The following PRKCQ variants were observed in gnomAD, a reference collection of about 807,000 sequenced individuals.
The protein encoded by PRKCQ is protein kinase C theta, also known as protein kinase C theta type.
In PRKCQ, 41 loss-of-function variants were observed where a neutral mutation model predicts 91.2. The observed-to-expected ratio is 0.45, with a 90% CI of 0.35 to 0.58. The LOEUF (loss-of-function observed/expected upper bound fraction) is 0.58. Among genes scored for constraint, PRKCQ ranks in the 20% least tolerant of loss-of-function variants. The pLI, the probability that PRKCQ is intolerant of heterozygous loss-of-function variation, is 0.00. For synonymous variants in PRKCQ, 307 were observed against 316.9 expected, an observed-to-expected ratio of 0.97 and a Z score of 0.33; for missense variants, 673 against 896.5, an observed-to-expected ratio of 0.75 and a Z score of 3.18.
chr10:6,402,318 C>T, the PRKCQ span, among the ~76,000 whole-genome samples: 1,229 of 144,194 alleles, frequency 8.5e-3, 23 homozygotes, highest in African/African-American at 0.03. Context: ...CACATCTACC[C>T]CAGAACTTAA....
chr10:6,429,014 G>A (rs1235392510), intron 17 of PRKCQ, among the ~76,000 whole-genome samples: 1 of 152,184 alleles, frequency 6.6e-6, no homozygotes, highest in Non-Finnish European at 1.5e-5. Flanking sequence ...CATACATGCT[G>A]TTCAGTATGG....
intron 1 of PRKCQ, among the ~76,000 whole-genome samples, chr10:6,552,483 C>A (rs1052665125): frequency 8.0e-6 from 1 of 125,672 alleles, no homozygotes; most frequent in Non-Finnish European, 1.7e-5. Flanking sequence ...TTTTGTCTTT[C>A]TAGACAGAGT....
At chr10:6,558,354 G>A (rs933782443) in intron 1 of PRKCQ, among the ~76,000 whole-genome samples, 4 of 152,164 alleles carry the variant, frequency 2.6e-5, no homozygotes, top group Non-Finnish European at 4.4e-5. Context: ...TACTAAAGAT[G>A]TAAACAGACA....
chr10:6,506,892 T>G (rs539413489), intron 4 of PRKCQ, among the ~76,000 whole-genome samples: 1 of 152,344 alleles, frequency 6.6e-6, no homozygotes, highest in Admixed American at 6.5e-5. Context: ...GAAATTTCAC[T>G]TCTGTGGCCA....
chr10:6,451,197 A>T (rs1834654685), intron 15 of PRKCQ, among the ~76,000 whole-genome samples: 2 of 149,458 alleles, frequency 1.3e-5, no homozygotes, highest in South Asian at 4.5e-4. Context: ...AATAAAGAAA[A>T]AAAGAGAGAA....
chr10:6,521,921 T>TTTATTTAA (rs776048874), intron 1 of PRKCQ, among the ~76,000 whole-genome samples: 1 of 95,986 alleles, frequency 1.0e-5, no homozygotes, highest in Non-Finnish European at 2.3e-5. Context: ...TGTTATGTTA[T>TTTATTTAA]GTTATTTATT....
At chr10:6,551,347 T>G in intron 1 of PRKCQ, among the ~76,000 whole-genome samples, 1 of 152,168 alleles carries the variant, frequency 6.6e-6, no homozygotes, top group South Asian at 2.1e-4. Flanking sequence ...TGCATTTTTG[T>G]GTCTGCATAG....
intron 1 of PRKCQ, among the ~76,000 whole-genome samples, chr10:6,516,902 T>C (rs920011143): frequency 1.3e-5 from 2 of 152,154 alleles, no homozygotes; most frequent in African/African-American, 4.8e-5. Context: ...GGCAAAACCC[T>C]CTGTCCCCCT....
At chr10:6,528,154 T>C (rs1564375438) in intron 1 of PRKCQ, among the ~76,000 whole-genome samples, 2 of 152,060 alleles carry the variant, frequency 1.3e-5, no homozygotes. Context: ...CCTAAAACCC[T>C]CTTTGGAAAG....
At chr10:6,424,588 C>T (rs1031782232), downstream of PRKCQ, among the ~76,000 whole-genome samples, 2 of 152,182 alleles carry the variant, frequency 1.3e-5, no homozygotes, top group African/African-American at 2.4e-5. Flanking sequence ...GTGTTTAAGG[C>T]TGATGCTTCC....
At chr10:6,406,418 T>C in the PRKCQ span, among the ~76,000 whole-genome samples, 1 of 152,102 alleles carries the variant, frequency 6.6e-6, no homozygotes, top group African/African-American at 2.4e-5. Flanking sequence ...TGTAAAATAA[T>C]GTTTGCTGAA....
intron 1 of PRKCQ, among the ~76,000 whole-genome samples, chr10:6,534,785 T>TATATAG (rs1554780285): frequency 3.4e-5 from 5 of 145,736 alleles, no homozygotes; most frequent in Non-Finnish European, 7.5e-5. Flanking sequence ...TATATATATA[T>TATATAG]ATATATAGAT....
chr10:6,427,849 C>A lies in PRKCQ; in HGVS notation c.*358G>T. On this transcript the variant is annotated 3_prime_UTR_variant, in exon 18 of 18. Transcript: ENST00000263125. ...CTCCGTTTGCCCCTGATTCAACAAG[C>A]ATTTCATTGATCAGCAGTTGGCGCC... 3.9e-6 allele frequency: 1 copy of A among 257,550 alleles called. No individual in the cohort carries two copies. Among genetic ancestry groups the A allele is most frequent in the Non-Finnish European group, 7.6e-6 (1 of 131,258 alleles). 16.0% of individuals were successfully genotyped at this position (257,550 alleles called of 1,614,324 possible).
intron 8 of PRKCQ, among the ~76,000 whole-genome samples, chr10:6,486,821 C>G (rs551862003): frequency 1.4e-4 from 22 of 152,292 alleles, no homozygotes; most frequent in Middle Eastern, 6.8e-3. Flanking sequence ...CTTCCCCCAG[C>G]CTTTAGGTTG....
intron 1 of PRKCQ, among the ~76,000 whole-genome samples, chr10:6,518,703 C>T (rs1838875048): frequency 6.6e-6 from 1 of 152,080 alleles, no homozygotes; most frequent in Admixed American, 6.6e-5. Context: ...CACCTGTAAT[C>T]CCAGCGACTC....
intron 1 of PRKCQ, 87 bp from the exon 2 acceptor site, chr10:6,515,231 T>A: frequency 6.3e-7 from 1 of 1,588,182 alleles, no homozygotes; most frequent in South Asian, 1.1e-5. Flanking sequence ...CAGTGCTTTA[T>A]CATGGACAGC....
intron 13 of PRKCQ, among the ~76,000 whole-genome samples, chr10:6,463,527 T>C (rs961966907): frequency 1.3e-5 from 2 of 152,198 alleles, no homozygotes; most frequent in African/African-American, 4.8e-5. Flanking sequence ...AGCAGAGTGC[T>C]ACCCACTAGA....
chr10:6,579,929 GAGA>G (rs963696424), intron 1 of PRKCQ, among the ~76,000 whole-genome samples: 1 of 151,116 alleles, frequency 6.6e-6, no homozygotes, highest in African/African-American at 2.4e-5. Flanking sequence ...AAGGAAAAGG[GAGA>G]AGAAAGGAGG....
chr10:6,461,111 C>T (rs1239533155), intron 14 of PRKCQ, among the ~76,000 whole-genome samples: 1 of 150,730 alleles, frequency 6.6e-6, no homozygotes, highest in East Asian at 1.9e-4. Flanking sequence ...ATCCATCCAT[C>T]CATCCATCCA....
Sources: gnomAD v4.1 joint callset for allele counts (sites outside exome capture counted in the v4.1 genomes callset) on GRCh38, gnomAD v4.1.1 for gene constraint, MANE v1.5 for transcripts, NCBI Gene and HGNC (gene_info 2026-07-23, HGNC 2026-07-21) for gene names.